ARFGEF2: variants seen among roughly 807,000 people sequenced by gnomAD.
ARFGEF2 encodes ARF guanine nucleotide exchange factor 2.
ARFGEF2 carries 74 observed loss-of-function variants against 219.9 expected under a neutral mutation model. The ratio of observed to expected loss-of-function variants is 0.34; its 90% CI spans 0.28 to 0.41. The LOEUF is 0.41. Among genes scored for constraint, ARFGEF2 ranks in the 10% least tolerant of loss-of-function variants. ARFGEF2 has a pLI of 1.00. For missense variants in ARFGEF2, 1,743 were observed against 2,218.3 expected, an observed-to-expected ratio of 0.79 and a Z score of 4.30; for synonymous variants, 733 against 799.2, an observed-to-expected ratio of 0.92 and a Z score of 1.40.
Position 48,953,549 on chromosome 20 carries a change from C to G in ARFGEF2, c.604-7C>G. 6.2e-7 allele frequency: 1 copy of G among 1,613,522 alleles called. No homozygotes were observed. Among genetic ancestry groups the G allele is most frequent in the Non-Finnish European group, 8.5e-7 (1 of 1,179,536 alleles). On this transcript the variant is annotated splice_region_variant and splice_polypyrimidine_tract_variant and intron_variant, in intron 5 of 38. Coordinates refer to ENST00000371917, the MANE Select transcript of ARFGEF2 (RefSeq NM_006420.3). ...AAATGCTGTATCCCCCTTTTGTTGC[C>G]TTTTAGTTGCAGGAGGCCAGAGAAC...
At position 49,022,154 on chromosome 20, in the gene ARFGEF2, CAAAAAAA is replaced by C. The variant is rs58870256; in HGVS notation, c.4625-881_4625-875del. Among the ~76,000 whole-genome samples the C allele has an allele frequency of 7.1e-5, 5 of 70,210 alleles. No individual in the cohort carries two copies. The East Asian group carries it at 1.6e-3, about 22-fold the overall frequency. 46.1% of individuals were successfully genotyped at this position (70,210 alleles called of 152,430 possible). A position where few individuals can be genotyped will look rare whatever the true frequency, so the allele number is the denominator to read the frequency against. The stretch of plus-strand genomic sequence containing the variant: ...AGGGTGACAAAGCGAGACTCCGTCT[CAAAAAAA>C]AAAAAAAAAAAAAAATGTTAACTAG... On this transcript the variant is annotated intron_variant, in intron 34 of 38. Coordinates refer to ENST00000371917, the MANE Select transcript of ARFGEF2 (RefSeq NM_006420.3).
At chr20:48,927,548 C>T (rs899193525) in intron 1 of ARFGEF2, among the ~76,000 whole-genome samples, 71 of 151,944 alleles carry the variant, frequency 4.7e-4, no homozygotes, top group African/African-American at 1.7e-3. Flanking sequence ...ATTAGCTGGG[C>T]GTGGTGGCGC....
In ARFGEF2 at chr20:48,988,736, G is replaced by A. The variant is rs2091340745; in HGVS notation, c.2533+74G>A. 5.1e-6 allele frequency: 7 copies of A among 1,379,608 alleles called. 1 individual carries two copies. The Admixed American group carries it at 1.1e-4, about 21-fold the overall frequency. 85.5% of individuals were successfully genotyped at this position (1,379,608 alleles called of 1,614,324 possible). A position where few individuals can be genotyped will look rare whatever the true frequency, so the allele number is the denominator to read the frequency against. The stretch of plus-strand genomic sequence containing the variant: ...ATCAGAATGCATGATTAAATACTCT[G>A]GTGATAAATTTAATGTGCATAGCTG... On this transcript the variant is annotated intron_variant, in intron 18 of 38. Coordinates refer to ENST00000371917, the MANE Select transcript of ARFGEF2 (RefSeq NM_006420.3).
rs1465083682 is a variant in ARFGEF2 at position 48,995,749 on chromosome 20, T to C, written c.3122-34T>C. 6 of 1,578,998 alleles carry C rather than the reference T, an allele frequency of 3.8e-6. No individual in the cohort carries two copies. In the African/African-American group the frequency reaches 8.1e-5, roughly 21 times the overall value. On this transcript the variant is annotated intron_variant, in intron 22 of 38. Transcript: ENST00000371917. ...TTTGTTCTAAATACTTGACTGTTTT[T>C]GAAGTACTGCTGATTTTGTGCATTG...
At chr20:48,934,119 CAAAAAAAAA>C (rs11476863) in intron 1 of ARFGEF2, among the ~76,000 whole-genome samples, 3 of 56,156 alleles carry the variant, frequency 5.3e-5, no homozygotes, top group South Asian at 1.9e-3. Flanking sequence ...GACTTCATCT[CAAAAAAAAA>C]AAAAAAAAAA....
At chr20:48,985,174 C>T (rs1396734509) in intron 15 of ARFGEF2, among the ~76,000 whole-genome samples, 4 of 143,762 alleles carry the variant, frequency 2.8e-5, no homozygotes, top group Non-Finnish European at 5.9e-5. Context: ...CCCCGTCATT[C>T]TCTCCATTTT....
At chr20:48,923,607 G>A (rs182450172) in intron 1 of ARFGEF2, among the ~76,000 whole-genome samples, 1 of 152,342 alleles carries the variant, frequency 6.6e-6, no homozygotes, top group Admixed American at 6.5e-5. Flanking sequence ...AGCAATGTGG[G>A]ATAAGCACTG....
At chr20:49,000,552 C>T (rs1338596456) in intron 25 of ARFGEF2, among the ~76,000 whole-genome samples, 1 of 152,178 alleles carries the variant, frequency 6.6e-6, no homozygotes, top group Non-Finnish European at 1.5e-5. Flanking sequence ...ACCCACTATT[C>T]TGAGTAAACA....
intron 3 of ARFGEF2, among the ~76,000 whole-genome samples, chr20:48,944,388 G>A (rs2091012785): frequency 6.6e-6 from 1 of 152,094 alleles, no homozygotes; most frequent in African/African-American, 2.4e-5. Context: ...TTCATTCACC[G>A]TACCGTGTGT....
At chr20:48,951,850 T>C (rs2091072870) in intron 4 of ARFGEF2, among the ~76,000 whole-genome samples, 1 of 152,164 alleles carries the variant, frequency 6.6e-6, no homozygotes, top group Admixed American at 6.5e-5. Flanking sequence ...CCAGGAATGG[T>C]TTGGCACAGA....
At chr20:49,015,500 C>T (rs927059966) in intron 30 of ARFGEF2, among the ~76,000 whole-genome samples, 11 of 152,136 alleles carry the variant, frequency 7.2e-5, no homozygotes, top group African/African-American at 1.4e-4. Context: ...GGTTGCTTTC[C>T]GGTTTTTCTG....
chr20:49,016,389 C>T lies in ARFGEF2; in HGVS notation c.4289C>T (p.Ala1430Val). ...GAAGTTCTTCTTTCTGATGTATTTG[C>T]ACAATTGCAGTGGTGTGTCAAACAA... Reference protein sequence around the residue: ...LNEVLLSDVFAQLQWCVKQDN... With the variant: ...LNEVLLSDVFVQLQWCVKQDN... The change falls in exon 31 of 39, where the codon GCA becomes GTA. Residue 1430 changes from alanine (A) to valine (V), a missense_variant. Transcript: ENST00000371917. 6.2e-7 allele frequency: 1 copy of T among 1,613,484 alleles called. No individual in the cohort carries two copies. Among genetic ancestry groups the T allele is most frequent in the East Asian group, 2.2e-5 (1 of 44,844 alleles).
chr20:48,956,066 ACG>A (rs1169423016), intron 6 of ARFGEF2, among the ~76,000 whole-genome samples: 3 of 152,204 alleles, frequency 2.0e-5, no homozygotes, highest in African/African-American at 7.2e-5. Flanking sequence ...CAAGGGAGAC[ACG>A]TACCCAGGGG....
At chr20:48,959,409 TTCCC>T (rs1381891152) in intron 6 of ARFGEF2, among the ~76,000 whole-genome samples, 3 of 63,418 alleles carry the variant, frequency 4.7e-5, no homozygotes, top group African/African-American at 9.1e-5. Context: ...CCCTCCTTCC[TTCCC>T]TCCCTCCCTC....
At chr20:48,964,112 A>G (rs2091172893) in intron 7 of ARFGEF2, among the ~76,000 whole-genome samples, 1 of 152,216 alleles carries the variant, frequency 6.6e-6, no homozygotes, top group African/African-American at 2.4e-5. Context: ...GGTTGGGTTT[A>G]GGAAACATAG....
intron 6 of ARFGEF2, among the ~76,000 whole-genome samples, chr20:48,962,255 A>C (rs2091157924): frequency 6.6e-6 from 1 of 152,242 alleles, no homozygotes; most frequent in Admixed American, 6.5e-5. Context: ...TGTACTATAC[A>C]GAACTGCATG....
At chr20:49,026,127 G>C (rs1255249855) in intron 36 of ARFGEF2, among the ~76,000 whole-genome samples, 1 of 152,140 alleles carries the variant, frequency 6.6e-6, no homozygotes, top group Non-Finnish European at 1.5e-5. Flanking sequence ...TTGAGCCCAG[G>C]AGTTCAAGAC....
intron 38 of ARFGEF2, 62 bp downstream of exon 38, chr20:49,032,228 C>A: frequency 8.3e-7 from 1 of 1,206,058 alleles, no homozygotes; most frequent in Non-Finnish European, 1.2e-6. Context: ...TGGCTTTTTA[C>A]TCAAGAGTTT....
rs370867921 is a variant in ARFGEF2 at position 48,954,036 on chromosome 20, T to C, written c.838+246T>C. 2.6e-3 allele frequency among the ~76,000 whole-genome samples: 398 copies of C among 152,360 alleles called. 2 individuals are homozygous for C. In the South Asian group the frequency reaches 0.035, roughly 13 times the overall value. The stretch of plus-strand genomic sequence containing the variant: ...GATGTATCTAGCTGCTACTTCTTCA[T>C]GTCAGCCTCAGTGCAACAGGTTCAG... On this transcript the variant is annotated intron_variant, in intron 6 of 38. Transcript: ENST00000371917.
Sources: gnomAD v4.1 joint callset for allele counts (sites outside exome capture counted in the v4.1 genomes callset) on GRCh38, gnomAD v4.1.1 for gene constraint, MANE v1.5 for transcripts, NCBI Gene and HGNC (gene_info 2026-07-23, HGNC 2026-07-21) for gene names.